Variants in RSRC1 observed in about 807,000 individuals in gnomAD.
RSRC1 encodes the protein serine/Arginine-related protein 53.
Under a neutral mutation model 49.1 loss-of-function variants are expected in RSRC1, and 39 were observed. That is an observed-to-expected ratio of 0.79 (90% CI 0.61 to 1.04). RSRC1 has a LOEUF of 1.04. RSRC1 is among the 50% of genes least tolerant of loss of function. The probability of loss-of-function intolerance (pLI) is 0.00; values close to 1 mark genes in which losing one functional copy is unlikely to be tolerated. For synonymous variants in RSRC1, 143 were observed against 130.8 expected (o/e 1.09, Z -0.63); for missense variants, 388 against 402.4 (o/e 0.96, Z 0.31).
At chr3:158,278,166 A>G (rs1725925330) in intron 4 of RSRC1, among the ~76,000 whole-genome samples, 1 of 152,206 alleles carries the variant, frequency 6.6e-6, no homozygotes, top group South Asian at 2.1e-4. Context: ...CATACAACCA[A>G]CAACGGACAA....
intron 6 of RSRC1, among the ~76,000 whole-genome samples, chr3:158,457,262 A>G (rs1243085335): frequency 6.6e-6 from 1 of 152,192 alleles, no homozygotes; most frequent in African/African-American, 2.4e-5. Context: ...TTCTAGATAT[A>G]ATTTGTGGAG....
intron 4 of RSRC1, among the ~76,000 whole-genome samples, chr3:158,246,503 G>A (rs949900273): frequency 4.6e-5 from 7 of 151,748 alleles, no homozygotes; most frequent in African/African-American, 1.7e-4. Flanking sequence ...GTGTGTTTTT[G>A]TTGTTGCTGG....
chr3:158,255,670 G>T (rs555620391), intron 4 of RSRC1, among the ~76,000 whole-genome samples: 12 of 150,740 alleles, frequency 8.0e-5, no homozygotes, highest in Admixed American at 3.3e-4. Context: ...TGGCCATTTT[G>T]ATTCTTCCTG....
At chr3:158,512,877 A>G (rs1740269288) in intron 7 of RSRC1, among the ~76,000 whole-genome samples, 1 of 149,528 alleles carries the variant, frequency 6.7e-6, no homozygotes, top group South Asian at 2.2e-4. Flanking sequence ...CTTTGAAGCA[A>G]TTGTGAATGG....
intron 7 of RSRC1, among the ~76,000 whole-genome samples, chr3:158,532,692 T>G (rs1382530014): frequency 6.6e-6 from 1 of 151,832 alleles, no homozygotes; most frequent in Non-Finnish European, 1.5e-5. Context: ...TATTTTACTA[T>G]GAAGTATATA....
intron 8 of RSRC1, among the ~76,000 whole-genome samples, chr3:158,541,593 ATT>A (rs1263152245): frequency 6.6e-6 from 1 of 152,078 alleles, no homozygotes; most frequent in Non-Finnish European, 1.5e-5. Flanking sequence ...TCCTCTGTAT[ATT>A]TTTCTTAGTG....
chr3:158,398,970 G>A (rs1041261762), intron 6 of RSRC1, among the ~76,000 whole-genome samples: 2 of 147,510 alleles, frequency 1.4e-5, no homozygotes, highest in Middle Eastern at 3.5e-3. Context: ...TTATCAATGT[G>A]TGTTTGTATT....
intron 7 of RSRC1, among the ~76,000 whole-genome samples, chr3:158,466,793 G>T (rs993715924): frequency 6.6e-6 from 1 of 152,168 alleles, no homozygotes; most frequent in Non-Finnish European, 1.5e-5. Flanking sequence ...CGGGCATGAT[G>T]GCTCACATCT....
In RSRC1 at chr3:158,247,705, G is replaced by C. The variant is rs141694021; in HGVS notation, c.494+44460G>C. 2.6e-5 allele frequency among the ~76,000 whole-genome samples: 4 copies of C among 152,256 alleles called. No individual in the cohort carries two copies. In the East Asian group the frequency reaches 7.7e-4, roughly 29 times the overall value. On this transcript the variant is annotated intron_variant, in intron 4 of 9. Coordinates refer to ENST00000611884, the MANE Select transcript of RSRC1 (RefSeq NM_001271838.2). ...AACCTAGTTGGCTTTGGTTCTTCCT[G>C]TACCTGGAGGTATCACCAGTGAAGG...
At chr3:158,459,388 G>A (rs559850804) in intron 6 of RSRC1, among the ~76,000 whole-genome samples, 12 of 152,148 alleles carry the variant, frequency 7.9e-5, no homozygotes, top group Admixed American at 2.6e-4. Context: ...TCCATCTTAC[G>A]TTGTTAATGG....
intron 3 of RSRC1, among the ~76,000 whole-genome samples, chr3:158,193,860 A>G (rs1260893870): frequency 6.6e-6 from 1 of 152,170 alleles, no homozygotes; most frequent in African/African-American, 2.4e-5. Flanking sequence ...CAAATGGTAG[A>G]AATTTCGTAT....
chr3:158,137,344 A>T (rs1466511003), intron 3 of RSRC1, among the ~76,000 whole-genome samples: 1 of 152,030 alleles, frequency 6.6e-6, no homozygotes, highest in Non-Finnish European at 1.5e-5. Context: ...TGAATAAAAG[A>T]TTCAGTGATT....
chr3:158,476,222 A>G (rs751397789), intron 7 of RSRC1, among the ~76,000 whole-genome samples: 5 of 152,194 alleles, frequency 3.3e-5, no homozygotes, highest in Non-Finnish European at 7.3e-5. Context: ...GCAGAGCTTG[A>G]TTTGTGAGGT....
intron 3 of RSRC1, among the ~76,000 whole-genome samples, chr3:158,200,837 C>A (rs1578191954): frequency 2.0e-5 from 3 of 152,152 alleles, no homozygotes; most frequent in South Asian, 4.2e-4. Flanking sequence ...TCAGTATAAA[C>A]CTTAGAGTAA....
At chr3:158,442,682 G>A (rs1736446784) in intron 6 of RSRC1, among the ~76,000 whole-genome samples, 1 of 152,046 alleles carries the variant, frequency 6.6e-6, no homozygotes, top group Non-Finnish European at 1.5e-5. Flanking sequence ...TGTTCTTAAT[G>A]GCATTTAGAA....
intron 5 of RSRC1, chr3:158,336,756 T>G (rs1390890763): frequency 6.6e-6 from 1 of 152,262 alleles, no homozygotes; most frequent in Non-Finnish European, 1.5e-5. Context: ...AGAGGTTCAC[T>G]CAGACTAGTG....
chr3:158,208,970 TTAAA>T (rs1721506576), intron 4 of RSRC1, among the ~76,000 whole-genome samples: 1 of 152,156 alleles, frequency 6.6e-6, no homozygotes, highest in Admixed American at 6.6e-5. Context: ...TAAAACCTCT[TTAAA>T]TATGTCTTTG....
intron 6 of RSRC1, among the ~76,000 whole-genome samples, chr3:158,458,343 T>C (rs1050668369): frequency 1.3e-5 from 2 of 152,142 alleles, no homozygotes; most frequent in African/African-American, 2.4e-5. Context: ...AAATGTGTTA[T>C]AGGTTGTTAC....
intron 5 of RSRC1, among the ~76,000 whole-genome samples, chr3:158,350,646 T>TC (rs895947318): frequency 1.3e-5 from 2 of 152,200 alleles, no homozygotes; most frequent in Non-Finnish European, 2.9e-5. Flanking sequence ...TACATTTTTT[T>TC]CTCATTAAGT....
Sources: gnomAD v4.1 joint callset for allele counts (sites outside exome capture counted in the v4.1 genomes callset) on GRCh38, gnomAD v4.1.1 for gene constraint, MANE v1.5 for transcripts, NCBI Gene and HGNC (gene_info 2026-07-23, HGNC 2026-07-21) for gene names.